ATP8B4: variants seen among roughly 807,000 people sequenced by gnomAD.
ATP8B4 encodes the protein ATPase phospholipid transporting 8B4 (putative).
In ATP8B4, 133 loss-of-function variants were observed where a neutral mutation model predicts 145.6. That is an observed-to-expected ratio of 0.91 (90% CI 0.79 to 1.05). The LOEUF (loss-of-function observed/expected upper bound fraction) is 1.05. Ranked by LOEUF, ATP8B4 falls within the 50% of genes least tolerant of loss-of-function variation. The pLI, the probability that ATP8B4 is intolerant of heterozygous loss-of-function variation, is 0.00. For missense variants in ATP8B4, 1,458 were observed against 1,425.2 expected (o/e 1.02, Z -0.37); for synonymous variants, 507 against 492.9 (o/e 1.03, Z -0.38).
chr15:50,054,817 A>C (rs1037366210), intron 3 of ATP8B4, among the ~76,000 whole-genome samples: 3 of 150,350 alleles, frequency 2.0e-5, no homozygotes, highest in Admixed American at 1.3e-4. Context: ...AAACAAAAAA[A>C]AAAAAACACC....
At chr15:49,912,545 A>G (rs765258534) in intron 20 of ATP8B4, among the ~76,000 whole-genome samples, 14 of 152,148 alleles carry the variant, frequency 9.2e-5, no homozygotes, top group Non-Finnish European at 1.6e-4. Context: ...CCCAACAAAG[A>G]AAAACCCAGA....
chr15:50,139,679 T>C (rs2044180886), intron 1 of ATP8B4, among the ~76,000 whole-genome samples: 1 of 152,182 alleles, frequency 6.6e-6, no homozygotes, highest in Non-Finnish European at 1.5e-5. Context: ...AGACTAGTAG[T>C]TCAGGCATTA....
At chr15:50,098,261 A>G (rs1049813465) in intron 2 of ATP8B4, among the ~76,000 whole-genome samples, 1 of 119,682 alleles carries the variant, frequency 8.4e-6, no homozygotes, top group African/African-American at 3.4e-5. Context: ...CTGTATTGTC[A>G]GGTGATTTTT....
chr15:50,136,434 GTCAGTTCACCAC>G, intron 1 of ATP8B4, among the ~76,000 whole-genome samples: 1 of 152,312 alleles, frequency 6.6e-6, no homozygotes, highest in East Asian at 1.9e-4. Context: ...TAAAAAGCCA[GTCAGTTCACCAC>G]TCATACAGGG....
intron 1 of ATP8B4, among the ~76,000 whole-genome samples, chr15:50,132,433 T>G (rs2044060178): frequency 6.6e-6 from 1 of 152,162 alleles, no homozygotes; most frequent in African/African-American, 2.4e-5. Context: ...CCAGTTAGAA[T>G]GGCGATCATT....
At chr15:49,954,102 C>A (rs1181408494) in intron 14 of ATP8B4, among the ~76,000 whole-genome samples, 3 of 152,182 alleles carry the variant, frequency 2.0e-5, no homozygotes, top group Non-Finnish European at 4.4e-5. Flanking sequence ...CTGAATGTCA[C>A]TGCTACTAGT....
chr15:49,982,590 A>G (rs935989862), intron 10 of ATP8B4: 1 of 152,164 alleles, frequency 6.6e-6, no homozygotes, highest in African/African-American at 2.4e-5. Flanking sequence ...ACATACACAC[A>G]TAAAGTTTGT....
At chr15:50,005,666 T>C (rs2048245680) in intron 7 of ATP8B4, among the ~76,000 whole-genome samples, 1 of 152,198 alleles carries the variant, frequency 6.6e-6, no homozygotes, top group Non-Finnish European at 1.5e-5. Context: ...TGGACACTCA[T>C]AGCTTAAATT....
At chr15:50,167,394 C>A (rs2044611143) in intron 1 of ATP8B4, among the ~76,000 whole-genome samples, 1 of 152,164 alleles carries the variant, frequency 6.6e-6, no homozygotes, top group African/African-American at 2.4e-5. Context: ...CTGCTAGCAA[C>A]TTTTGACATT....
At chr15:49,966,898 T>C (rs542423725) in intron 13 of ATP8B4, among the ~76,000 whole-genome samples, 33 of 152,150 alleles carry the variant, frequency 2.2e-4, no homozygotes, top group Non-Finnish European at 4.7e-4. Context: ...AGTGCCCCTC[T>C]GGGACAAAGC....
At chr15:49,962,109 T>C in intron 13 of ATP8B4, 89 bp from the exon 14 acceptor site, 4 of 946,168 alleles carry the variant, frequency 4.2e-6, no homozygotes, top group Non-Finnish European at 6.3e-6. Flanking sequence ...TATTATTTAT[T>C]ACATCACCAT....
chr15:50,021,050 A>G (rs545856685), intron 6 of ATP8B4, among the ~76,000 whole-genome samples: 18 of 152,322 alleles, frequency 1.2e-4, no homozygotes, highest in Non-Finnish European at 2.1e-4. Flanking sequence ...ATACATAGAA[A>G]AGGATTCATT....
chr15:50,171,886 T>C (rs928562348), intron 1 of ATP8B4, among the ~76,000 whole-genome samples: 3 of 151,816 alleles, frequency 2.0e-5, no homozygotes, highest in Non-Finnish European at 2.9e-5. Context: ...ACAGGAGATA[T>C]TACAACTGAC....
chr15:49,990,130 G>A (rs897638402), intron 9 of ATP8B4, among the ~76,000 whole-genome samples: 2 of 152,104 alleles, frequency 1.3e-5, no homozygotes, highest in Non-Finnish European at 2.9e-5. Context: ...AAAGGGAGTC[G>A]AGTAGATCTG....
At chr15:50,073,033 C>T (rs1471071181) in intron 3 of ATP8B4, among the ~76,000 whole-genome samples, 17 of 125,390 alleles carry the variant, frequency 1.4e-4, no homozygotes, top group African/African-American at 4.7e-4. Context: ...CACACACACA[C>T]ACACACACAC....
Position 49,879,471 on chromosome 15 carries a change from T to C in ATP8B4, c.2698-12A>G. ...TGGTCATAAACAGTCTGAAAAGAAA[T>C]ATAACATATAAGTGAGAAACATCAT... On this transcript the variant is annotated splice_polypyrimidine_tract_variant and intron_variant, in intron 23 of 27. Transcript: ENST00000284509. 1.9e-6 allele frequency: 3 copies of C among 1,576,470 alleles called. No homozygotes were observed. Among genetic ancestry groups the C allele is most frequent in the Non-Finnish European group, 2.6e-6 (3 of 1,151,712 alleles).
At chr15:49,948,314 T>C (rs1450359582) in intron 14 of ATP8B4, among the ~76,000 whole-genome samples, 14 of 147,112 alleles carry the variant, frequency 9.5e-5, no homozygotes, top group Admixed American at 9.5e-4. Flanking sequence ...CCAGGCATGG[T>C]GGCACTCGCC....
chr15:49,875,901 C>T lies in ATP8B4; in HGVS notation c.3027+377G>A, dbSNP rs572212872. 3.9e-5 allele frequency among the ~76,000 whole-genome samples: 6 copies of T among 152,278 alleles called. No homozygotes were observed. The South Asian group carries it at 1.0e-3, about 26-fold the overall frequency. On this transcript the variant is annotated intron_variant, in intron 25 of 27. Coordinates refer to ENST00000284509, the MANE Select transcript of ATP8B4 (RefSeq NM_024837.4). ...ATTGCCAAGCAAACTTTAGATCTCA[C>T]TTTAAAACCTGGCAGTTATTAAGTC...
At position 50,093,251 on chromosome 15, in the gene ATP8B4, A is replaced by C. The variant is rs541730268; in HGVS notation, c.28+13688T>G. ...AACTATTCTAGATAGAATGCAGAAAAATAAAAAATAACAGAATGATTATGG... is the reference window on the plus strand; with the variant it reads ...AACTATTCTAGATAGAATGCAGAAACATAAAAAATAACAGAATGATTATGG... On this transcript the variant is annotated intron_variant, in intron 2 of 27. Coordinates refer to ENST00000284509, the MANE Select transcript of ATP8B4 (RefSeq NM_024837.4). Among the ~76,000 whole-genome samples, 5 of 152,216 alleles carry C rather than the reference A, an allele frequency of 3.3e-5. No homozygotes were observed. In the East Asian group the frequency reaches 9.6e-4, roughly 29 times the overall value.
Sources: gnomAD v4.1 joint callset for allele counts (sites outside exome capture counted in the v4.1 genomes callset) on GRCh38, gnomAD v4.1.1 for gene constraint, MANE v1.5 for transcripts, NCBI Gene and HGNC (gene_info 2026-07-23, HGNC 2026-07-21) for gene names.